The following P3H1 variants were observed in gnomAD, a reference collection of about 807,000 sequenced individuals.
P3H1 encodes the protein growth suppressor 1.
In P3H1, 69 loss-of-function variants were observed where a neutral mutation model predicts 84.0. That is an observed-to-expected ratio of 0.82 (90% CI 0.68 to 1.00). The LOEUF (loss-of-function observed/expected upper bound fraction) is 1.00, where lower values mean the gene tolerates loss of function less well. Among genes scored for constraint, P3H1 ranks in the 50% least tolerant of loss-of-function variants. P3H1 has a pLI of 0.00. For synonymous variants in P3H1, 366 were observed against 388.8 expected (o/e 0.94, Z 0.69); for missense variants, 878 against 962.8 (o/e 0.91, Z 1.17).
At chr1:42,750,459 A>T (rs1651973947) in intron 10 of P3H1, 123 bp from the exon 11 acceptor site, 17 of 1,022,158 alleles carry the variant, frequency 1.7e-5, no homozygotes, top group Middle Eastern at 2.4e-4. Flanking sequence ...ACCTGGTGGG[A>T]GATGACTGAA....
At chr1:42,750,100 T>C in intron 11 of P3H1, 86 bp downstream of exon 11, 1 of 1,490,586 alleles carries the variant, frequency 6.7e-7, no homozygotes, top group South Asian at 1.2e-5. Flanking sequence ...AGGGACCGCA[T>C]CCTGTTCTCT....
Position 42,766,757 on chromosome 1 carries a change from C to T in P3H1, c.215G>A (p.Arg72His), listed in dbSNP as rs1466291805. 3 of 1,588,612 alleles carry T rather than the reference C, an allele frequency of 1.9e-6. No homozygotes were observed. The African/African-American group carries it at 4.0e-5, about 21-fold the overall frequency. The part of the protein sequence containing the change: ...LRSRAALRAL[R>H]LRCRTQCAAD... ...GGCACACTGGGTGCGGCAGCGCAGG[C>T]GAAGGGCGCGGAGGGCTGCCCGGGA... is the stretch of plus-strand genomic sequence containing the variant. Residue 72 changes from arginine to histidine, a missense_variant, in exon 1 of 15, where the codon CGC becomes CAC. Arg to His is a conservative substitution (Grantham distance 29). Transcript: ENST00000296388.
intron 2 of P3H1, chr1:42,761,601 T>C (rs1045905215): frequency 2.6e-5 from 4 of 152,168 alleles, no homozygotes; most frequent in Admixed American, 6.5e-5. Context: ...AAAATGATGA[T>C]GGGGCTGGCC....
At chr1:42,753,900 TG>T (rs1287949298) in intron 8 of P3H1, among the ~76,000 whole-genome samples, 2 of 149,570 alleles carry the variant, frequency 1.3e-5, no homozygotes, top group Non-Finnish European at 3.0e-5. Flanking sequence ...CACTCCAGCC[TG>T]GGCAACAGAG....
At chr1:42,750,057 C>T (rs1006977300) in intron 11 of P3H1, 129 bp downstream of exon 11, 1 of 1,085,988 alleles carries the variant, frequency 9.2e-7, no homozygotes, top group Non-Finnish European at 1.3e-6. Context: ...GGATGCCACC[C>T]ATGTATTTAC....
chr1:42,753,241 C>T (rs1311963749), intron 8 of P3H1, among the ~76,000 whole-genome samples: 1 of 152,198 alleles, frequency 6.6e-6, no homozygotes, highest in Admixed American at 6.5e-5. Context: ...TGACTCACCT[C>T]TCAGTTATAA....
intron 8 of P3H1, among the ~76,000 whole-genome samples, chr1:42,753,249 T>C (rs943315942): frequency 2.0e-5 from 3 of 152,188 alleles, no homozygotes; most frequent in African/African-American, 7.2e-5. Flanking sequence ...CTCTCAGTTA[T>C]AAGAATCAAG....
intron 11 of P3H1, among the ~76,000 whole-genome samples, chr1:42,749,196 G>A (rs748662869): frequency 1.3e-5 from 2 of 152,236 alleles, no homozygotes; most frequent in Non-Finnish European, 2.9e-5. Context: ...TGGCACCTGT[G>A]CTTGTGCTCT....
Position 42,762,344 on chromosome 1 carries a change from A to G in P3H1, c.597T>C (p.Asp199=). 6.2e-7 allele frequency: 1 copy of G among 1,614,114 alleles called. No individual in the cohort carries two copies. The highest frequency in any genetic ancestry group is 8.5e-7 in the Non-Finnish European group (1 of 1,180,008). Residue 199 remains aspartate (D), a synonymous_variant, in exon 2 of 15, where the codon GAT becomes GAC. Coordinates refer to ENST00000296388, the MANE Select transcript of P3H1 (RefSeq NM_022356.4). ...MSGVKEADFK[D]LETQPHMQEF... is the part of the protein sequence containing the mutation. ...TCACCATATGGGGTTGAGTCTCAAG[A>G]TCCTTGAAGTCGGCCTCCTTCACTC... is the stretch of plus-strand genomic sequence containing the variant.
intron 1 of P3H1, among the ~76,000 whole-genome samples, chr1:42,763,667 T>C (rs1652836830): frequency 2.0e-5 from 2 of 102,442 alleles, no homozygotes; most frequent in African/African-American, 4.0e-5. Context: ...GCGAGACTCT[T>C]GTCTCAAAAA....
intron 2 of P3H1, chr1:42,761,887 A>G (rs1433388993): frequency 4.8e-6 from 1 of 209,632 alleles, no homozygotes; most frequent in African/African-American, 2.4e-5. Context: ...CCCTGCCTCA[A>G]AAAAAATAAA....
chr1:42,759,618 G>A (rs903164753), intron 2 of P3H1, among the ~76,000 whole-genome samples: 6 of 152,082 alleles, frequency 3.9e-5, no homozygotes, highest in African/African-American at 1.4e-4. Flanking sequence ...TTTTGAGACA[G>A]AGTCTCACTC....
At chr1:42,755,780 C>T in intron 5 of P3H1, 143 bp from the exon 6 acceptor site, 1 of 695,026 alleles carries the variant, frequency 1.4e-6, no homozygotes, top group Non-Finnish European at 2.6e-6. Context: ...GTCTGTTCCC[C>T]AGTTTGAGAC....
Position 42,756,795 on chromosome 1 carries a change from C to T in P3H1, c.1080+988G>A, listed in dbSNP as rs188962802. ...CTGGGTCCAAGCAGGGAACAGATTCCGGTCACCACTGACTGGCCACAAGCC... is the reference window on the plus strand; with the variant it reads ...CTGGGTCCAAGCAGGGAACAGATTCTGGTCACCACTGACTGGCCACAAGCC... On this transcript the variant is annotated intron_variant, in intron 5 of 14. Transcript: ENST00000296388. 8.1e-4 allele frequency among the ~76,000 whole-genome samples: 124 copies of T among 152,290 alleles called. 1 individual carries two copies. Among genetic ancestry groups the T allele is most frequent in the Admixed American group, 7.8e-3 (119 of 15,300 alleles).
rs1651783100 is a variant in P3H1 at position 42,747,346 on chromosome 1, C to G, written c.1981G>C (p.Val661Leu). The G allele has an allele frequency of 1.2e-6, 2 of 1,610,166 alleles. No individual in the cohort carries two copies. Among genetic ancestry groups the G allele is most frequent in the East Asian group, 4.5e-5 (2 of 44,808 alleles). The change falls in exon 14 of 15, where the codon GTG (valine) becomes CTG (leucine). Residue 661 changes from valine (V) to leucine (L), a missense_variant. Transcript: ENST00000296388. The part of the protein sequence containing the change: ...FSSGTENPHG[V>L]KAVTRGQRCA... Reference sequence around the variant, plus strand: ...CGCTGCCCCCTGGTGACAGCCTTCACTCCATGTGGGTTTTCAGTGCCTGAA... The same window carrying G: ...CGCTGCCCCCTGGTGACAGCCTTCAGTCCATGTGGGTTTTCAGTGCCTGAA...
intron 1 of P3H1, among the ~76,000 whole-genome samples, chr1:42,765,682 T>C (rs1652948023): frequency 6.6e-6 from 1 of 152,088 alleles, no homozygotes; most frequent in Non-Finnish European, 1.5e-5. Flanking sequence ...TCTCTTTAGA[T>C]CGAATCGAAG....
chr1:42,765,709 A>T (rs945738167), intron 1 of P3H1, among the ~76,000 whole-genome samples: 1 of 152,154 alleles, frequency 6.6e-6, no homozygotes, highest in Admixed American at 6.5e-5. Flanking sequence ...TAAACAACAG[A>T]TATACCAGAT....
rs779362461 is a variant in P3H1, at chr1:42,758,873, G to C, written c.919C>G (p.Leu307Val). ...TTACTGTTATAGTAGGCAAACTGCA[G>C]ATAATTATAATGCGATGGGAGGAAG... ...EDFLPSHYNY[L>V]QFAYYNIGNY... The change falls in exon 4 of 15, where the codon CTG (leucine) becomes GTG (valine). Residue 307 changes from leucine to valine, a missense_variant. Leu to Val is a conservative substitution (Grantham distance 32, BLOSUM62 1). Coordinates refer to ENST00000296388, the MANE Select transcript of P3H1 (RefSeq NM_022356.4). 6.2e-7 allele frequency: 1 copy of C among 1,614,204 alleles called. No homozygotes were observed. The highest frequency in any genetic ancestry group is 2.2e-5 in the East Asian group (1 of 44,876).
At chr1:42,755,844 T>C (rs1178227327) in intron 5 of P3H1, among the ~76,000 whole-genome samples, 1 of 152,108 alleles carries the variant, frequency 6.6e-6, no homozygotes, top group Non-Finnish European at 1.5e-5. Context: ...ACCTCTGAGG[T>C]ACTGGAATAA....
Sources: allele counts gnomAD v4.1 joint callset (sites outside exome capture counted in the v4.1 genomes callset), GRCh38; gene constraint gnomAD v4.1.1; transcripts MANE v1.5; gene names NCBI Gene and HGNC (gene_info 2026-07-23, HGNC 2026-07-21).